The following TLE2 variants were observed in gnomAD, a reference collection of about 807,000 sequenced individuals.
TLE2 encodes TLE family member 2, transcriptional corepressor.
TLE2 carries 74 observed loss-of-function variants against 97.2 expected under a neutral mutation model. The ratio of observed to expected loss-of-function variants is 0.76; its 90% CI spans 0.63 to 0.92. The LOEUF is 0.92. Among genes scored for constraint, TLE2 ranks in the 40% least tolerant of loss-of-function variants. TLE2 has a pLI of 0.00. For synonymous variants in TLE2, 499 were observed against 432.1 expected (o/e 1.15, Z -1.92); for missense variants, 1,038 against 1,008.7 (o/e 1.03, Z -0.39).
upstream of TLE2, among the ~76,000 whole-genome samples, chr19:3,046,929 T>TATCC (rs1568259076): frequency 1.4e-3 from 51 of 37,634 alleles, no homozygotes; most frequent in Admixed American, 1.0e-2. Flanking sequence ...CTCCCCCTCC[T>TATCC]CTGCCTCCCC....
chr19:3,029,567 G>GC, upstream of TLE2: 2 of 746,690 alleles, frequency 2.7e-6, no homozygotes, highest in African/African-American at 1.9e-5. Context: ...GCGGGGGGGG[G>GC]GGCTTGCGGG....
intron 8 of TLE2, among the ~76,000 whole-genome samples, chr19:3,016,889 C>A (rs953364550): frequency 6.6e-6 from 1 of 151,736 alleles, no homozygotes; most frequent in Non-Finnish European, 1.5e-5. Context: ...CGCCATTCTT[C>A]TGCCTCAGCC....
At position 3,029,233 on chromosome 19, in the gene TLE2, C is replaced by T. The variant is rs1412548983; in HGVS notation, c.-329G>A. ...CGGCCGGGTTTCGGTGGCGGCGGCGCGGGCGGCGGGCCCCGCGCGGAGCCG... is the reference window on the plus strand; with the variant it reads ...CGGCCGGGTTTCGGTGGCGGCGGCGTGGGCGGCGGGCCCCGCGCGGAGCCG... On this transcript the variant is annotated 5_prime_UTR_variant, in exon 1 of 20. Transcript: ENST00000262953. 1 of 293,060 alleles carries T rather than the reference C, an allele frequency of 3.4e-6. No individual in the cohort carries two copies. Among genetic ancestry groups the T allele is most frequent in the Non-Finnish European group, 5.0e-6 (1 of 201,378 alleles). 18.2% of individuals were successfully genotyped at this position (293,060 alleles called of 1,614,324 possible).
At chr19:3,007,538 T>C (rs1395175420) in intron 14 of TLE2, among the ~76,000 whole-genome samples, 1 of 151,958 alleles carries the variant, frequency 6.6e-6, no homozygotes, top group Admixed American at 6.6e-5. Context: ...GAGTGAGCCA[T>C]GGTGCTCGGC....
At chr19:3,018,006 T>G in intron 7 of TLE2, 147 bp from the exon 8 acceptor site, 1 of 643,194 alleles carries the variant, frequency 1.6e-6, no homozygotes, top group Non-Finnish European at 2.6e-6. Flanking sequence ...CCAACACCCT[T>G]GCAAGTGGTG....
intron 1 of TLE2, among the ~76,000 whole-genome samples, chr19:3,038,365 C>T (rs969704209): frequency 6.6e-6 from 1 of 152,090 alleles, no homozygotes; most frequent in African/African-American, 2.4e-5. Flanking sequence ...TGTACCACCA[C>T]ACTCAGCTAA....
chr19:3,013,127 T>A (rs1248790395), intron 11 of TLE2, among the ~76,000 whole-genome samples: 1 of 151,724 alleles, frequency 6.6e-6, no homozygotes, highest in South Asian at 2.1e-4. Context: ...CTGGAGAAGA[T>A]TTGGGGTGAG....
At position 3,017,894 on chromosome 19, in the gene TLE2, GAGAA is replaced by G. The variant is rs776095660; in HGVS notation, c.551-39_551-36del. ...TGGGAATGGGATAAAGAGAAAGAAG[GAGAA>G]AGAATGAGGCGTTTGTATCCACGGC... On this transcript the variant is annotated intron_variant, in intron 7 of 19. Coordinates refer to ENST00000262953, the MANE Select transcript of TLE2 (RefSeq NM_003260.5). 6 of 1,607,990 alleles carry G rather than the reference GAGAA, an allele frequency of 3.7e-6. No individual in the cohort carries two copies. The South Asian group carries it at 5.5e-5, about 15-fold the overall frequency.
Position 3,019,858 on chromosome 19 carries a change from C to T in TLE2, c.295-85G>A, listed in dbSNP as rs2089801691. Reference sequence around the variant, plus strand: ...CCCTTGGGGACCTGACCTCTCCCCGCCACCCTCTCATCTTTGCCCCGGTAC... The same window carrying T: ...CCCTTGGGGACCTGACCTCTCCCCGTCACCCTCTCATCTTTGCCCCGGTAC... On this transcript the variant is annotated intron_variant, in intron 5 of 19. Transcript: ENST00000262953. The surrounding 1 kb of genome is among the most constrained non-coding windows in gnomAD (Gnocchi z 5.1). 2 of 1,495,778 alleles carry T rather than the reference C, an allele frequency of 1.3e-6. No individual in the cohort carries two copies. Among genetic ancestry groups the T allele is most frequent in the Non-Finnish European group, 1.8e-6 (2 of 1,106,434 alleles). 92.7% of individuals were successfully genotyped at this position (1,495,778 alleles called of 1,614,324 possible). A position where few individuals can be genotyped will look rare whatever the true frequency, so the allele number is the denominator to read the frequency against.
At chr19:3,043,723 T>C (rs2090122027) in intron 1 of TLE2, among the ~76,000 whole-genome samples, 2 of 151,116 alleles carry the variant, frequency 1.3e-5, no homozygotes, top group Non-Finnish European at 2.9e-5. Context: ...GGCAGGAGAA[T>C]GGCGTGAACC....
intron 7 of TLE2, 98 bp from the exon 8 acceptor site, chr19:3,017,957 C>T (rs1214503620): frequency 2.0e-5 from 23 of 1,163,406 alleles, no homozygotes; most frequent in Middle Eastern, 4.0e-4. Flanking sequence ...TTATAAAGCC[C>T]CCCGCCCCCA....
Position 3,009,805 on chromosome 19 carries a change from C to T in TLE2, c.1013-103G>A, listed in dbSNP as rs142432613. The T allele has an allele frequency of 3.9e-4, 556 of 1,429,290 alleles. No homozygotes were observed. In the African/African-American group the frequency reaches 6.4e-3, roughly 17 times the overall value. The allele number at this position is 1,429,290 out of a possible 1,614,324, so 88.5% of individuals were successfully genotyped here. A position where few individuals can be genotyped will look rare whatever the true frequency, so the allele number is the denominator to read the frequency against. The stretch of plus-strand genomic sequence containing the variant: ...GCCTTTCATTTAGAGTTTCCATGTG[C>T]TGGTTCCACATTGGCCATAGCCTGG... On this transcript the variant is annotated intron_variant, in intron 12 of 19. Coordinates refer to ENST00000262953, the MANE Select transcript of TLE2 (RefSeq NM_003260.5).
intron 7 of TLE2, 88 bp from the exon 8 acceptor site, chr19:3,017,947 T>C (rs2089749342): frequency 7.6e-7 from 1 of 1,309,862 alleles, no homozygotes; most frequent in Non-Finnish European, 1.1e-6. Flanking sequence ...GCCCTCCAGT[T>C]TATAAAGCCC....
intron 1 of TLE2, among the ~76,000 whole-genome samples, chr19:3,035,199 G>C (rs1343747343): frequency 6.6e-6 from 1 of 152,164 alleles, no homozygotes; most frequent in Admixed American, 6.6e-5. Context: ...GTGGAATTTG[G>C]GGAGACTCTG....
At chr19:3,003,541 G>C (rs2089411499) in intron 17 of TLE2, among the ~76,000 whole-genome samples, 1 of 152,046 alleles carries the variant, frequency 6.6e-6, no homozygotes, top group Admixed American at 6.6e-5. Context: ...GGGAGGCTGA[G>C]GCAGGAGAAT....
At chr19:3,030,857 C>T (rs1482309684), upstream of TLE2, among the ~76,000 whole-genome samples, 8 of 149,578 alleles carry the variant, frequency 5.3e-5, no homozygotes, top group East Asian at 3.9e-4. Flanking sequence ...GGGGCTGAGG[C>T]GGGAGATACC....
chr19:3,007,777 T>C (rs2089507913), intron 14 of TLE2, among the ~76,000 whole-genome samples: 1 of 152,052 alleles, frequency 6.6e-6, no homozygotes, highest in Non-Finnish European at 1.5e-5. Context: ...AACACTTAAA[T>C]GAACTGAAAT....
At chr19:3,005,379 G>T in intron 17 of TLE2, 58 bp downstream of exon 17, 1 of 1,588,268 alleles carries the variant, frequency 6.3e-7, no homozygotes. Context: ...CACAAGGAGA[G>T]GAAGGGATGC....
At chr19:3,003,002 A>G (rs1341809495) in intron 17 of TLE2, among the ~76,000 whole-genome samples, 1 of 152,038 alleles carries the variant, frequency 6.6e-6, no homozygotes, top group Non-Finnish European at 1.5e-5. Flanking sequence ...TCAGCCTACG[A>G]GCCCCTTTGG....
Sources: allele counts gnomAD v4.1 joint callset (sites outside exome capture counted in the v4.1 genomes callset), GRCh38; gene constraint gnomAD v4.1.1; non-coding constraint Gnocchi (gnomAD v3.1); transcripts MANE v1.5; gene names NCBI Gene and HGNC (gene_info 2026-07-23, HGNC 2026-07-21).